Variants in SNCAIP observed in about 807,000 individuals in gnomAD.
SNCAIP encodes the protein synphilin-1.
SNCAIP carries 43 observed loss-of-function variants against 86.7 expected under a neutral mutation model. That is an observed-to-expected ratio of 0.50 (90% confidence interval 0.39 to 0.64). The LOEUF is 0.64. Among genes scored for constraint, SNCAIP ranks in the 30% least tolerant of loss-of-function variants. The probability of loss-of-function intolerance (pLI) is 0.00; values close to 1 mark genes in which losing one functional copy is unlikely to be tolerated. For synonymous variants in SNCAIP, 417 were observed against 427.2 expected (o/e 0.98, Z 0.29); for missense variants, 981 against 1,103.1 (o/e 0.89, Z 1.57).
At chr5:122,380,376 C>T (rs2152814034) in intron 1 of SNCAIP, among the ~76,000 whole-genome samples, 1 of 152,230 alleles carries the variant, frequency 6.6e-6, no homozygotes, top group South Asian at 2.1e-4. Flanking sequence ...TCTGTGGGAT[C>T]AGTGGTGATA....
intron 3 of SNCAIP, among the ~76,000 whole-genome samples, chr5:122,415,931 G>A (rs1775216315): frequency 6.6e-6 from 1 of 152,194 alleles, no homozygotes; most frequent in East Asian, 1.9e-4. Flanking sequence ...GTGTCGAAGT[G>A]AAGGTCAGCA....
chr5:122,452,913 G>C, intron 10 of SNCAIP: 1 of 1,531,960 alleles, frequency 6.5e-7, no homozygotes, highest in Non-Finnish European at 8.8e-7. Flanking sequence ...ATTTTTAATT[G>C]CACCTCTCTA....
chr5:122,340,790 C>T (rs914076810), intron 1 of SNCAIP, among the ~76,000 whole-genome samples: 3 of 152,110 alleles, frequency 2.0e-5, no homozygotes, highest in African/African-American at 2.4e-5. Flanking sequence ...TATGTCAATT[C>T]CTTGGAAATT....
intron 10 of SNCAIP, among the ~76,000 whole-genome samples, chr5:122,461,817 A>G: frequency 6.6e-6 from 1 of 151,744 alleles, no homozygotes. Context: ...CTGGGACTAC[A>G]GCCACCACAC....
intron 8 of SNCAIP, among the ~76,000 whole-genome samples, chr5:122,447,367 C>G (rs545109808): frequency 7.2e-4 from 109 of 152,142 alleles, no homozygotes; most frequent in Non-Finnish European, 1.4e-3. Context: ...GGCCATCTGC[C>G]CATATATTTT....
intron 5 of SNCAIP, among the ~76,000 whole-genome samples, chr5:122,426,677 A>G (rs894588867): frequency 6.6e-6 from 1 of 152,162 alleles, no homozygotes; most frequent in Non-Finnish European, 1.5e-5. Flanking sequence ...AAGTGATATG[A>G]TGTTGAATTA....
rs1787081668 is a variant in SNCAIP at position 122,464,048 on chromosome 5, A to G, written c.*552A>G. 6.6e-6 allele frequency: 1 copy of G among 152,330 alleles called. No individual in the cohort carries two copies. The highest frequency in any genetic ancestry group is 2.4e-5 in the African/African-American group (1 of 41,452). 9.4% of individuals were successfully genotyped at this position (152,330 alleles called of 1,614,324 possible). On this transcript the variant is annotated 3_prime_UTR_variant, in exon 11 of 11. Coordinates refer to ENST00000261368, the MANE Select transcript of SNCAIP (RefSeq NM_005460.4). Reference sequence around the variant, plus strand: ...TGTATAAAGGAAATAAAACAATGTTAACAGCCACCTATAAGCTTGGGGCAC... The same window carrying G: ...TGTATAAAGGAAATAAAACAATGTTGACAGCCACCTATAAGCTTGGGGCAC...
At chr5:122,439,868 A>G (rs1023781714) in intron 6 of SNCAIP, among the ~76,000 whole-genome samples, 9 of 152,332 alleles carry the variant, frequency 5.9e-5, no homozygotes, top group Admixed American at 5.9e-4. Flanking sequence ...TAACATGAAA[A>G]TACCACAAAA....
chr5:122,343,863 T>A (rs1289352794), intron 1 of SNCAIP, among the ~76,000 whole-genome samples: 1 of 152,216 alleles, frequency 6.6e-6, no homozygotes, highest in Non-Finnish European at 1.5e-5. Context: ...CCAGTTCTTG[T>A]CTTAACAAGA....
chr5:122,448,540 A>T (rs1240409247), intron 8 of SNCAIP, among the ~76,000 whole-genome samples: 1 of 145,916 alleles, frequency 6.9e-6, no homozygotes, highest in Non-Finnish European at 1.5e-5. Flanking sequence ...ATTTTGAAGT[A>T]TATCCTTCCA....
In SNCAIP at chr5:122,326,606, CTTTTTTTTTTTTTTTTTTTTT is replaced by C. The variant is rs11297385; in HGVS notation, c.-47+14335_-47+14355del. Among the ~76,000 whole-genome samples, 292 of 42,174 alleles carry C rather than the reference CTTTTTTTTTTTTTTTTTTTTT, an allele frequency of 6.9e-3. 8 individuals carry two copies. In the East Asian group the frequency reaches 0.15, roughly 21 times the overall value. The allele number at this position is 42,174 out of a possible 152,430, so 27.7% of individuals were successfully genotyped here. A position where few individuals can be genotyped will look rare whatever the true frequency, so the allele number is the denominator to read the frequency against. On this transcript the variant is annotated intron_variant, in intron 1 of 10. Transcript: ENST00000261368. Reference sequence around the variant, plus strand: ...AGAAAGGGAACTTCAGAAATGTCTCCTTTTTTTTTTTTTTTTTTTTTTTTTTTTTTTTTACAATTAAGTAGA... The same window carrying C: ...AGAAAGGGAACTTCAGAAATGTCTCCTTTTTTTTTTTTACAATTAAGTAGA...
chr5:122,460,505 TTC>T (rs1288132026), intron 10 of SNCAIP, among the ~76,000 whole-genome samples: 2 of 152,024 alleles, frequency 1.3e-5, no homozygotes, highest in African/African-American at 4.8e-5. Flanking sequence ...TTCTCTCTTG[TTC>T]TGTCTCTCTC....
intron 1 of SNCAIP, among the ~76,000 whole-genome samples, chr5:122,330,670 A>G (rs983334749): frequency 9.2e-5 from 14 of 152,160 alleles, no homozygotes; most frequent in African/African-American, 3.1e-4. Context: ...GTTAGTAGTA[A>G]GCCATCATTT....
chr5:122,429,567 G>A (rs1777986180), intron 5 of SNCAIP, among the ~76,000 whole-genome samples: 1 of 151,762 alleles, frequency 6.6e-6, no homozygotes, highest in Admixed American at 6.6e-5. Context: ...GTCTTGCCTA[G>A]TAAATGATCA....
intron 1 of SNCAIP, among the ~76,000 whole-genome samples, chr5:122,334,742 G>A (rs1756085988): frequency 6.6e-6 from 1 of 152,176 alleles, no homozygotes; most frequent in African/African-American, 2.4e-5. Context: ...ATTAGAAAAT[G>A]TGCTAATTTT....
chr5:122,430,683 T>C (rs1641071889), intron 5 of SNCAIP, among the ~76,000 whole-genome samples: 1 of 152,122 alleles, frequency 6.6e-6, no homozygotes, highest in South Asian at 2.1e-4. Flanking sequence ...TTGTAGCTAT[T>C]TACATGCCTT....
chr5:122,413,484 A>G lies in SNCAIP; in HGVS notation c.131-9384A>G, dbSNP rs532131343. On this transcript the variant is annotated intron_variant, in intron 3 of 10. Coordinates refer to ENST00000261368, the MANE Select transcript of SNCAIP (RefSeq NM_005460.4). ...GAGGTTCTCATCTGTTTTCTATTCCAGTCCTCTCCTTATTTCTTCAAAGCA... is the reference window on the plus strand; with the variant it reads ...GAGGTTCTCATCTGTTTTCTATTCCGGTCCTCTCCTTATTTCTTCAAAGCA... Among the ~76,000 whole-genome samples the G allele has an allele frequency of 8.5e-5, 13 of 152,244 alleles. No homozygotes were observed. The South Asian group carries it at 2.5e-3, about 29-fold the overall frequency.
chr5:122,457,954 T>A (rs1047378234), intron 10 of SNCAIP, among the ~76,000 whole-genome samples: 8 of 152,164 alleles, frequency 5.3e-5, no homozygotes, highest in South Asian at 4.1e-4. Flanking sequence ...ATCTTCCCAG[T>A]GTCTAAGCAC....
At chr5:122,362,693 A>G (rs1762425764) in intron 1 of SNCAIP, among the ~76,000 whole-genome samples, 1 of 152,196 alleles carries the variant, frequency 6.6e-6, no homozygotes, top group Non-Finnish European at 1.5e-5. Context: ...GAGTGGAGTG[A>G]GCCAAGAACT....
Sources: gnomAD v4.1 joint callset for allele counts (sites outside exome capture counted in the v4.1 genomes callset) on GRCh38, gnomAD v4.1.1 for gene constraint, MANE v1.5 for transcripts, NCBI Gene and HGNC (gene_info 2026-07-23, HGNC 2026-07-21) for gene names.